The following DMD variants were observed in gnomAD, a reference collection of about 807,000 sequenced individuals.
DMD encodes the protein dystrophin.
DMD carries 63 observed loss-of-function variants against 330.1 expected under a neutral mutation model. The ratio of observed to expected loss-of-function variants is 0.19; its 90% CI spans 0.16 to 0.24. The LOEUF (loss-of-function observed/expected upper bound fraction) is 0.24, where lower values mean the gene tolerates loss of function less well. Among genes scored for constraint, DMD ranks in the 10% least tolerant of loss-of-function variants. The pLI, the probability that DMD is intolerant of heterozygous loss-of-function variation, is 1.00. For missense variants in DMD, 3,344 were observed against 2,684.1 expected (o/e 1.25, Z -5.43); for synonymous variants, 1,223 against 959.8 (o/e 1.27, Z -5.07).
chrX:31,630,217 C>T (rs187407118), intron 54 of DMD, among the ~76,000 whole-genome samples: 2 of 111,864 alleles, frequency 1.8e-5, no homozygotes, highest in East Asian at 5.7e-4. Flanking sequence ...ATCCTACCAG[C>T]AAGTTTGCTG....
chrX:32,822,792 C>A (rs1345351841), intron 5 of DMD, among the ~76,000 whole-genome samples: 1 of 110,649 alleles, frequency 9.0e-6, no homozygotes, highest in Non-Finnish European at 1.9e-5. Context: ...AGTCGGAAGA[C>A]CCTATGCTCA....
In DMD at chrX:31,228,787, C is replaced by T. The variant is rs16989456; in HGVS notation, c.9287-5666G>A. On this transcript the variant is annotated intron_variant, in intron 63 of 78. Transcript: ENST00000357033. ...GTGAGACTATCCAAGAAACCAGTTACGCCATGTTTCCATGGCAGCTGGGAG... is the reference window on the plus strand; with the variant it reads ...GTGAGACTATCCAAGAAACCAGTTATGCCATGTTTCCATGGCAGCTGGGAG... Among the ~76,000 whole-genome samples the T allele has an allele frequency of 8.0e-3, 892 of 111,813 alleles. 9 individuals carry two copies. The highest frequency in any genetic ancestry group is 0.027 in the African/African-American group (845 of 30,745).
intron 7 of DMD, among the ~76,000 whole-genome samples, chrX:32,787,980 T>C (rs1037737418): frequency 1.8e-5 from 2 of 111,690 alleles, no homozygotes; most frequent in South Asian, 3.7e-4. Context: ...TTTTACTTAC[T>C]CCTTGAAGTA....
At chrX:32,485,336 G>A (rs1033255053) in intron 20 of DMD, among the ~76,000 whole-genome samples, 1 of 110,673 alleles carries the variant, frequency 9.0e-6, no homozygotes, top group African/African-American at 3.3e-5. Flanking sequence ...ATTTCAAGAT[G>A]ACATAATTTA....
chrX:33,247,940 C>G (rs2052696424), intron 1 of DMD, among the ~76,000 whole-genome samples: 1 of 111,985 alleles, frequency 8.9e-6, no homozygotes. Context: ...TCAAAATATT[C>G]ATTTTTATGT....
Position 32,464,657 on chromosome X carries a change from C to T in DMD, c.3205G>A (p.Val1069Ile). 8.3e-7 allele frequency: 1 copy of T among 1,210,145 alleles called. No individual in the cohort carries two copies. The highest frequency in any genetic ancestry group is 1.8e-5 in the South Asian group (1 of 56,944). Residue 1069 changes from valine to isoleucine, a missense_variant, in exon 24 of 79, where the codon GTT (valine) becomes ATT (isoleucine). By Grantham distance (29) the Val-to-Ile change is conservative (BLOSUM62 3). Coordinates refer to ENST00000357033, the MANE Select transcript of DMD (RefSeq NM_004006.3). ...TLKKWMAEVD[V>I]FLKEEWPALG... ...GCAGGCCATTCCTCCTTCAGAAAAA[C>T]ATCAACTTCAGCCATCCATTTCTTC...
intron 1 of DMD, among the ~76,000 whole-genome samples, chrX:33,079,960 C>T (rs184252406): frequency 9.9e-4 from 111 of 111,988 alleles, no homozygotes; most frequent in African/African-American, 3.4e-3. Flanking sequence ...TATCTTTTAA[C>T]GTTACAAAAA....
At chrX:32,656,068 G>A (rs1320270958) in intron 9 of DMD, among the ~76,000 whole-genome samples, 1 of 111,523 alleles carries the variant, frequency 9.0e-6, no homozygotes, top group African/African-American at 3.3e-5. Flanking sequence ...CCTTTATGTA[G>A]TATTAGAAAG....
At chrX:31,213,133 C>A (rs183606589) in intron 64 of DMD, among the ~76,000 whole-genome samples, 4 of 112,619 alleles carry the variant, frequency 3.6e-5, no homozygotes, top group Non-Finnish European at 7.5e-5. Flanking sequence ...CCAAGCAAAT[C>A]TTTGCACTTC....
At chrX:32,734,867 C>A (rs1312450691) in intron 7 of DMD, among the ~76,000 whole-genome samples, 1 of 102,546 alleles carries the variant, frequency 9.8e-6, no homozygotes, top group Non-Finnish European at 2.0e-5. Context: ...GACAGGGATG[C>A]CCTCTCTCAC....
intron 1 of DMD, among the ~76,000 whole-genome samples, chrX:33,100,691 C>CA (rs36085134): frequency 1.8e-5 from 2 of 109,969 alleles, no homozygotes; most frequent in Non-Finnish European, 3.8e-5. Context: ...AACTCCGTCT[C>CA]AAAAAACAAA....
chrX:32,018,734 A>T (rs1040037456), intron 44 of DMD, among the ~76,000 whole-genome samples: 1 of 112,107 alleles, frequency 8.9e-6, no homozygotes, highest in East Asian at 2.8e-4. Context: ...CAATGAGAAG[A>T]CATGTTCTAT....
At position 32,046,960 on chromosome X, in the gene DMD, A is replaced by G. The variant is rs181901305; in HGVS notation, c.6439-78446T>C. On this transcript the variant is annotated intron_variant, in intron 44 of 78. Coordinates refer to ENST00000357033, the MANE Select transcript of DMD (RefSeq NM_004006.3). ...CTCTACTCTTTGTTTTTTACATACTATGACAAAAGAGTCATAAGACATAGT... is the reference window on the plus strand; with the variant it reads ...CTCTACTCTTTGTTTTTTACATACTGTGACAAAAGAGTCATAAGACATAGT... Among the ~76,000 whole-genome samples the G allele has an allele frequency of 8.1e-5, 9 of 111,591 alleles. No individual in the cohort carries two copies. The East Asian group carries it at 2.5e-3, about 32-fold the overall frequency.
At chrX:31,695,137 A>C (rs1369522350) in intron 52 of DMD, among the ~76,000 whole-genome samples, 1 of 111,571 alleles carries the variant, frequency 9.0e-6, no homozygotes, top group Non-Finnish European at 1.9e-5. Flanking sequence ...ATGGAACTGG[A>C]GGTCATTACA....
At chrX:32,530,510 G>A (rs1010410412) in intron 17 of DMD, among the ~76,000 whole-genome samples, 2 of 112,204 alleles carry the variant, frequency 1.8e-5, no homozygotes, top group Non-Finnish European at 3.8e-5. Context: ...TATTTCTAAA[G>A]TGTGACATGA....
chrX:31,532,279 G>A (rs1181101757), intron 55 of DMD, among the ~76,000 whole-genome samples: 3 of 84,020 alleles, frequency 3.6e-5, no homozygotes, highest in East Asian at 4.1e-4. Flanking sequence ...GACTAACAGC[G>A]GATCTCTCGG....
intron 1 of DMD, among the ~76,000 whole-genome samples, chrX:33,027,359 GAC>G (rs1175959250): frequency 2.7e-5 from 3 of 112,031 alleles, no homozygotes; most frequent in Non-Finnish European, 5.6e-5. Context: ...AAGGCAAGGA[GAC>G]AGATTCTCCC....
intron 44 of DMD, among the ~76,000 whole-genome samples, chrX:32,044,096 A>C (rs1321259079): frequency 1.8e-5 from 2 of 111,827 alleles, no homozygotes; most frequent in Non-Finnish European, 3.8e-5. Context: ...TTAAGAATCT[A>C]AACATTATCA....
At chrX:31,631,450 G>T (rs1315943449) in intron 54 of DMD, among the ~76,000 whole-genome samples, 2 of 110,540 alleles carry the variant, frequency 1.8e-5, no homozygotes, top group Non-Finnish European at 3.8e-5. Flanking sequence ...GAGTTGTGGG[G>T]TATAAAATCC....
Sources: gnomAD v4.1 joint callset for allele counts (sites outside exome capture counted in the v4.1 genomes callset) on GRCh38, gnomAD v4.1.1 for gene constraint, MANE v1.5 for transcripts, NCBI Gene and HGNC (gene_info 2026-07-23, HGNC 2026-07-21) for gene names.